ANK3: variants seen among roughly 807,000 people sequenced by gnomAD.
ANK3 encodes ankyrin 3.
A neutral mutation model predicts 370.9 loss-of-function variants in ANK3; 57 were observed. The observed-to-expected ratio is 0.15, with a 90% CI of 0.12 to 0.19. The LOEUF is 0.19. Ranked by LOEUF, ANK3 falls within the 10% of genes least tolerant of loss-of-function variation. The probability of loss-of-function intolerance (pLI) is 1.00; values close to 1 mark genes in which losing one functional copy is unlikely to be tolerated. For synonymous variants in ANK3, 1,929 were observed against 1,946.3 expected, an observed-to-expected ratio of 0.99 and a Z score of 0.23; for missense variants, 4,439 against 5,302.1, an observed-to-expected ratio of 0.84 and a Z score of 5.06.
At chr10:60,522,140 T>G (rs2076362250) in intron 2 of ANK3, among the ~76,000 whole-genome samples, 1 of 152,040 alleles carries the variant, frequency 6.6e-6, no homozygotes, top group Non-Finnish European at 1.5e-5. Flanking sequence ...TCAATGCAAT[T>G]CCTTGCAGCT....
At chr10:60,677,139 A>C (rs2028563) in intron 1 of ANK3, among the ~76,000 whole-genome samples, 1 of 151,938 alleles carries the variant, frequency 6.6e-6, no homozygotes, top group Non-Finnish European at 1.5e-5. Context: ...AGGTGCCCTT[A>C]AGTGGAATAG....
chr10:60,407,666 G>T (rs1195787952), intron 2 of ANK3, among the ~76,000 whole-genome samples: 1 of 152,132 alleles, frequency 6.6e-6, no homozygotes, highest in African/African-American at 2.4e-5. Context: ...TTATGACTTT[G>T]TAATTCCTGT....
At chr10:60,125,766 G>A (rs754908253) in intron 25 of ANK3, among the ~76,000 whole-genome samples, 1 of 152,100 alleles carries the variant, frequency 6.6e-6, no homozygotes, top group South Asian at 2.1e-4. Flanking sequence ...TTTGGGTTAG[G>A]TATTCTTCTC....
chr10:60,442,183 C>A (rs896876236), intron 2 of ANK3, among the ~76,000 whole-genome samples: 2 of 150,472 alleles, frequency 1.3e-5, no homozygotes, highest in African/African-American at 4.9e-5. Context: ...ACAACCTCTG[C>A]CTTCTGGGTT....
chr10:60,420,371 T>C (rs2063753626), intron 2 of ANK3, among the ~76,000 whole-genome samples: 1 of 152,110 alleles, frequency 6.6e-6, no homozygotes, highest in South Asian at 2.1e-4. Flanking sequence ...ACAGAAAGCA[T>C]CTTCTCTCAG....
At chr10:60,167,562 C>T (rs1215186540) in intron 21 of ANK3, among the ~76,000 whole-genome samples, 2 of 152,142 alleles carry the variant, frequency 1.3e-5, no homozygotes, top group Non-Finnish European at 1.5e-5. Flanking sequence ...ACACTGTCAG[C>T]ATCACTGGTA....
intron 2 of ANK3, among the ~76,000 whole-genome samples, chr10:60,470,067 G>T (rs1454017670): frequency 6.6e-6 from 1 of 151,998 alleles, no homozygotes; most frequent in East Asian, 1.9e-4. Context: ...TCTTATAGAT[G>T]GGAAAATATT....
chr10:60,254,324 A>G (rs1451419035), intron 7 of ANK3, among the ~76,000 whole-genome samples: 1 of 152,034 alleles, frequency 6.6e-6, no homozygotes, highest in Admixed American at 6.6e-5. Flanking sequence ...AGTATTTTAA[A>G]CATATGTTTG....
At position 60,186,842 on chromosome 10, in the gene ANK3, T is replaced by C. The variant is rs1475833081; in HGVS notation, c.1958A>G (p.Tyr653Cys). ...QMDIATTLLE[Y>C]GADANAVTRQ... Reference sequence around the variant, plus strand: ...GGTAACTGCGTTGGCATCAGCACCATATTCCAGCAGAGTTGTCGCTATGTC... The same window carrying C: ...GGTAACTGCGTTGGCATCAGCACCACATTCCAGCAGAGTTGTCGCTATGTC... The change falls in exon 17 of 44, where the codon TAT (tyrosine) becomes TGT (cysteine). Residue 653 changes from tyrosine (Y) to cysteine (C), a missense_variant. Physicochemically the swap from Tyr to Cys is radical, Grantham distance 194 (BLOSUM62 -2). Transcript: ENST00000280772. 1.2e-6 allele frequency: 2 copies of C among 1,614,180 alleles called. No homozygotes were observed. The highest frequency in any genetic ancestry group is 3.3e-5 in the Admixed American group (2 of 60,020).
At chr10:60,427,313 C>A (rs1447213078) in intron 2 of ANK3, among the ~76,000 whole-genome samples, 1 of 152,050 alleles carries the variant, frequency 6.6e-6, no homozygotes, top group Admixed American at 6.6e-5. Flanking sequence ...GAGAGATAGA[C>A]TAACTGACAT....
At chr10:60,704,995 A>G (rs1052953697) in intron 1 of ANK3, among the ~76,000 whole-genome samples, 6 of 152,234 alleles carry the variant, frequency 3.9e-5, no homozygotes, top group African/African-American at 1.4e-4. Flanking sequence ...ATGAAAGCCA[A>G]CTAACCCATT....
chr10:60,169,503 T>C (rs2095722788), intron 21 of ANK3, among the ~76,000 whole-genome samples: 2 of 151,970 alleles, frequency 1.3e-5, no homozygotes, highest in Admixed American at 1.3e-4. Flanking sequence ...TTGATGTTGA[T>C]CTTGATCATA....
At chr10:60,060,071 G>T in intron 40 of ANK3, 1 of 1,249,464 alleles carries the variant, frequency 8.0e-7, no homozygotes. Flanking sequence ...AAAACACATG[G>T]AATGACTAAA....
At chr10:60,105,175 A>G (rs1285702921) in intron 28 of ANK3, among the ~76,000 whole-genome samples, 3 of 152,092 alleles carry the variant, frequency 2.0e-5, no homozygotes, top group East Asian at 3.9e-4. Context: ...TTTTTCTCTC[A>G]GCATCAGACG....
Position 60,279,152 on chromosome 10 carries a change from A to T in ANK3, c.217-4T>A. ...GGTGGAGAGCGTTCAACCCATTCTGATTAAAAGTAAAGGAAAAGCTCTACT... is the reference window on the plus strand; with the variant it reads ...GGTGGAGAGCGTTCAACCCATTCTGTTTAAAAGTAAAGGAAAAGCTCTACT... On this transcript the variant is annotated splice_polypyrimidine_tract_variant and splice_region_variant and intron_variant, in intron 2 of 43. Transcript: ENST00000280772. The T allele has an allele frequency of 6.2e-7, 1 of 1,613,320 alleles. No individual in the cohort carries two copies. The highest frequency in any genetic ancestry group is 1.1e-5 in the South Asian group (1 of 91,078).
Position 60,435,003 on chromosome 10 carries a change from T to C in ANK3, c.97-155364A>G, listed in dbSNP as rs962238794. On this transcript the variant is annotated intron_variant, in intron 2 of 43. Transcript: ENST00000373827. ...AAAAAGTGTATTGGGCAACGAACTA[T>C]AAGCATAACTCTGAAAAGAGGGTTG... Among the ~76,000 whole-genome samples, 6 of 152,206 alleles carry C rather than the reference T, an allele frequency of 3.9e-5. No individual in the cohort carries two copies. In the South Asian group the frequency reaches 1.2e-3, roughly 31 times the overall value.
At chr10:60,684,852 C>T (rs1288508261) in intron 1 of ANK3, 5 of 1,495,804 alleles carry the variant, frequency 3.3e-6, no homozygotes, top group Admixed American at 1.8e-5. Flanking sequence ...CTGAACTTCA[C>T]AAAATAACTA....
chr10:60,511,509 T>C (rs2076079046), intron 2 of ANK3, among the ~76,000 whole-genome samples: 1 of 152,272 alleles, frequency 6.6e-6, no homozygotes, highest in South Asian at 2.1e-4. Context: ...ATAAAAGCTA[T>C]TGGCTAGAGA....
At chr10:60,648,381 G>A (rs1375415420) in intron 1 of ANK3, among the ~76,000 whole-genome samples, 9 of 138,660 alleles carry the variant, frequency 6.5e-5, no homozygotes, top group African/African-American at 2.2e-4. Context: ...GGCTGGTCTC[G>A]AACTCCTGAC....
Sources: gnomAD v4.1 joint callset for allele counts (sites outside exome capture counted in the v4.1 genomes callset) on GRCh38, gnomAD v4.1.1 for gene constraint, MANE v1.5 for transcripts, NCBI Gene and HGNC (gene_info 2026-07-23, HGNC 2026-07-21) for gene names.